CDK5RAP2: variants seen among roughly 807,000 people sequenced by gnomAD.
CDK5RAP2 encodes the protein CDK5 regulatory subunit associated protein 2.
Under a neutral mutation model 232.9 loss-of-function variants are expected in CDK5RAP2, and 147 were observed. The observed-to-expected ratio is 0.63, with a 90% CI of 0.55 to 0.72. The LOEUF is 0.72. Ranked by LOEUF, CDK5RAP2 falls within the 30% of genes least tolerant of loss-of-function variation. CDK5RAP2 has a pLI of 0.00. For synonymous variants in CDK5RAP2, 833 were observed against 833.7 expected (o/e 1.00, Z 0.01); for missense variants, 2,195 against 2,231.5 (o/e 0.98, Z 0.33).
At chr9:120,389,660 C>T in intron 37 of CDK5RAP2, 81 bp downstream of exon 37, 1 of 1,354,726 alleles carries the variant, frequency 7.4e-7, no homozygotes, top group Non-Finnish European at 1.1e-6. Flanking sequence ...CCTGCACCTT[C>T]ATTTTTCAAG....
At chr9:120,493,244 G>A (rs1048934701) in intron 12 of CDK5RAP2, among the ~76,000 whole-genome samples, 2 of 152,216 alleles carry the variant, frequency 1.3e-5, no homozygotes, top group African/African-American at 4.8e-5. Flanking sequence ...GGACCCATTT[G>A]AGACTTCTGA....
intron 3 of CDK5RAP2, among the ~76,000 whole-genome samples, chr9:120,566,427 T>A (rs2042648831): frequency 6.6e-6 from 1 of 152,184 alleles, no homozygotes; most frequent in Non-Finnish European, 1.5e-5. Context: ...CTAAAACATG[T>A]TGGCATAGAA....
chr9:120,391,925 G>A (rs541998956), intron 36 of CDK5RAP2, among the ~76,000 whole-genome samples: 77 of 152,334 alleles, frequency 5.1e-4, no homozygotes, highest in African/African-American at 1.8e-3. Flanking sequence ...TTGCAGGCCC[G>A]GGTCAGCCAC....
intron 23 of CDK5RAP2, among the ~76,000 whole-genome samples, chr9:120,440,929 C>T (rs982524606): frequency 2.0e-4 from 30 of 152,364 alleles, no homozygotes; most frequent in African/African-American, 6.7e-4. Context: ...GTGTTTCACT[C>T]ACTCACAACA....
At chr9:120,550,923 G>T (rs2042019953) in intron 3 of CDK5RAP2, 21 bp from the exon 4 acceptor site, 1 of 1,420,474 alleles carries the variant, frequency 7.0e-7, no homozygotes, top group African/African-American at 1.4e-5. Flanking sequence ...TCACAGAAGG[G>T]TCATCAAAAG....
At chr9:120,568,775 T>A (rs1009570917) in intron 2 of CDK5RAP2, among the ~76,000 whole-genome samples, 1 of 152,134 alleles carries the variant, frequency 6.6e-6, no homozygotes, top group Non-Finnish European at 1.5e-5. Context: ...GTTGGCAAAC[T>A]TTTTCTTAAA....
chr9:120,503,863 C>G (rs540897996), intron 12 of CDK5RAP2, among the ~76,000 whole-genome samples: 92 of 152,224 alleles, frequency 6.0e-4, no homozygotes, highest in Middle Eastern at 3.4e-3. Context: ...ACCACCACCC[C>G]ACAACAAGGT....
chr9:120,460,277 A>G (rs922397983), intron 19 of CDK5RAP2, among the ~76,000 whole-genome samples: 1 of 152,220 alleles, frequency 6.6e-6, no homozygotes, highest in Non-Finnish European at 1.5e-5. Flanking sequence ...AATGGGTTGG[A>G]TTACATCACT....
intron 25 of CDK5RAP2, among the ~76,000 whole-genome samples, chr9:120,424,646 G>C (rs990394529): frequency 1.3e-5 from 2 of 151,712 alleles, no homozygotes; most frequent in Non-Finnish European, 2.9e-5. Context: ...GACTTATTCA[G>C]GTACTAGCCA....
intron 11 of CDK5RAP2, among the ~76,000 whole-genome samples, chr9:120,524,335 T>C (rs533003641): frequency 6.6e-6 from 1 of 152,312 alleles, no homozygotes; most frequent in South Asian, 2.1e-4. Flanking sequence ...CACATGCTCC[T>C]GAGCCTCAAA....
intron 5 of CDK5RAP2, among the ~76,000 whole-genome samples, chr9:120,544,562 A>T (rs1426934771): frequency 6.6e-6 from 1 of 152,244 alleles, no homozygotes; most frequent in Non-Finnish European, 1.5e-5. Flanking sequence ...GTGGCAATGA[A>T]GGGAATTATA....
At chr9:120,495,067 T>G in intron 12 of CDK5RAP2, among the ~76,000 whole-genome samples, 1 of 84,754 alleles carries the variant, frequency 1.2e-5, no homozygotes, top group Non-Finnish European at 2.2e-5. Context: ...AGGCAGCGGC[T>G]GGAGGAGCGG....
At chr9:120,496,417 T>C (rs1318143702) in intron 12 of CDK5RAP2, among the ~76,000 whole-genome samples, 34 of 67,772 alleles carry the variant, frequency 5.0e-4, no homozygotes, top group African/African-American at 1.5e-3. Flanking sequence ...CCAGCCGCCC[T>C]GTCCGGGAGG....
intron 15 of CDK5RAP2, among the ~76,000 whole-genome samples, chr9:120,476,871 T>A (rs2038044839): frequency 6.6e-6 from 1 of 152,080 alleles, no homozygotes; most frequent in Non-Finnish European, 1.5e-5. Flanking sequence ...TGGCAGCAAC[T>A]CATTTCAGCA....
Position 120,536,423 on chromosome 9 carries a change from T to A in CDK5RAP2, c.611A>T (p.Lys204Met). Residue 204 changes from lysine (K) to methionine (M), a missense_variant, in exon 7 of 38, where the codon AAG (lysine) becomes ATG (methionine). Coordinates refer to ENST00000349780, the MANE Select transcript of CDK5RAP2 (RefSeq NM_018249.6). ...RLESKLSEMKKMHEGDLAMAL... is the reference protein window; with the variant it reads ...RLESKLSEMKMMHEGDLAMAL... The stretch of plus-strand genomic sequence containing the variant: ...CATCGCCAAGTCCCCCTCGTGCATC[T>A]TCTTCATCTCTGAAAGCTTGCTTTC... 1 of 1,614,190 alleles carries A rather than the reference T, an allele frequency of 6.2e-7. No individual in the cohort carries two copies. The highest frequency in any genetic ancestry group is 2.2e-5 in the East Asian group (1 of 44,886).
rs768345414 is a variant in CDK5RAP2 at position 120,528,734 on chromosome 9, A to G, written c.879+10T>C. Reference sequence around the variant, plus strand: ...TCTTCAATACATTTTTTAAAATTGTATCAACATACCTGGATCCTCTCTTCA... The same window carrying G: ...TCTTCAATACATTTTTTAAAATTGTGTCAACATACCTGGATCCTCTCTTCA... On this transcript the variant is annotated intron_variant, in intron 9 of 37. Transcript: ENST00000349780. The G allele has an allele frequency of 6.4e-7, 1 of 1,560,736 alleles. No individual in the cohort carries two copies. Among genetic ancestry groups the G allele is most frequent in the South Asian group, 1.1e-5 (1 of 90,020 alleles).
intron 4 of CDK5RAP2, among the ~76,000 whole-genome samples, chr9:120,548,028 C>G (rs1233458098): frequency 6.6e-6 from 1 of 152,202 alleles, no homozygotes; most frequent in Non-Finnish European, 1.5e-5. Context: ...GCTCCCATGA[C>G]ATGGGGGCCT....
At chr9:120,415,196 AC>A (rs1160316769) in intron 27 of CDK5RAP2, 37 bp from the exon 28 acceptor site, 1 of 1,609,616 alleles carries the variant, frequency 6.2e-7, no homozygotes, top group Non-Finnish European at 8.5e-7. Context: ...TAAAGTCTGA[AC>A]CCCCAACAAA....
At chr9:120,529,327 C>A (rs901599508) in intron 8 of CDK5RAP2, among the ~76,000 whole-genome samples, 3 of 152,244 alleles carry the variant, frequency 2.0e-5, no homozygotes, top group African/African-American at 7.2e-5. Context: ...GCCTGCCCAA[C>A]CTCTTCAAAA....
Sources: gnomAD v4.1 joint callset for allele counts (sites outside exome capture counted in the v4.1 genomes callset) on GRCh38, gnomAD v4.1.1 for gene constraint, MANE v1.5 for transcripts, NCBI Gene and HGNC (gene_info 2026-07-23, HGNC 2026-07-21) for gene names.